Variants in PTPN3 observed in about 807,000 individuals in gnomAD.
PTPN3 encodes tyrosine-protein phosphatase non-receptor type 3.
Under a neutral mutation model 132.7 loss-of-function variants are expected in PTPN3, and 96 were observed. The ratio of observed to expected loss-of-function variants is 0.72; its 90% CI spans 0.61 to 0.86. The LOEUF (loss-of-function observed/expected upper bound fraction) is 0.86. Among genes scored for constraint, PTPN3 ranks in the 40% least tolerant of loss-of-function variants. The pLI is 0.00. For missense variants in PTPN3, 1,125 were observed against 1,159.6 expected (o/e 0.97, Z 0.43); for synonymous variants, 398 against 429.0 (o/e 0.93, Z 0.89).
At chr9:109,538,182 T>C in the PTPN3 span, among the ~76,000 whole-genome samples, 1 of 152,254 alleles carries the variant, frequency 6.6e-6, no homozygotes, top group African/African-American at 2.4e-5. Flanking sequence ...ATGTAAGCAC[T>C]GCAATATTTT....
the PTPN3 span, among the ~76,000 whole-genome samples, chr9:109,513,483 C>A: frequency 6.6e-6 from 1 of 152,182 alleles, no homozygotes; most frequent in Non-Finnish European, 1.5e-5. Context: ...TTGCACTTAC[C>A]TAAGTACATA....
rs1002950309 is a variant in PTPN3, at chr9:109,448,694, C to T, written c.413+117G>A. ...CCAAAGCCTAATGCTGTACAGGATG[C>T]TTTGCACATCCACTCTGTTTAGATT... On this transcript the variant is annotated intron_variant, in intron 6 of 25. Transcript: ENST00000374541. The T allele has an allele frequency of 5.9e-6, 6 of 1,014,298 alleles. No homozygotes were observed. In the African/African-American group the frequency reaches 6.5e-5, roughly 11 times the overall value. The allele number at this position is 1,014,298 out of a possible 1,614,324, so 62.8% of individuals were successfully genotyped here.
Position 109,428,672 on chromosome 9 carries a change from G to T in PTPN3, c.777C>A (p.Leu259=). Reference sequence around the variant, plus strand: ...ACTTTTTCCTTTTGAAAGAAATTTTGAGAATGTTCACCCTTCAAAAAATAA... The same window carrying T: ...ACTTTTTCCTTTTGAAAGAAATTTTTAGAATGTTCACCCTTCAAAAAATAA... The part of the protein sequence containing the change: ...CTSFYPWVNI[L]KISFKRKKFF... The change falls in exon 11 of 26, where the codon CTC becomes CTA. Residue 259 remains leucine, a synonymous_variant. Transcript: ENST00000374541. 6.2e-7 allele frequency: 1 copy of T among 1,613,370 alleles called. No individual in the cohort carries two copies. Among genetic ancestry groups the T allele is most frequent in the South Asian group, 1.1e-5 (1 of 90,992 alleles).
chr9:109,392,542 C>T lies in PTPN3; in HGVS notation c.1954-981G>A, dbSNP rs1172809975. On this transcript the variant is annotated intron_variant, in intron 19 of 25. Transcript: ENST00000374541. ...GAACAGAAGCACATATATGTAAACG[C>T]ATAATACATTTATATACTATGTTTT... 5 of 152,274 alleles carry T rather than the reference C, an allele frequency of 3.3e-5. No homozygotes were observed. In the East Asian group the frequency reaches 7.7e-4, roughly 24 times the overall value. The allele number at this position is 152,274 out of a possible 1,614,324, so 9.4% of individuals were successfully genotyped here.
chr9:109,501,816 A>G (rs1432991041), upstream of PTPN3, among the ~76,000 whole-genome samples: 1 of 152,190 alleles, frequency 6.6e-6, no homozygotes, highest in African/African-American at 2.4e-5. Context: ...TCACAACATG[A>G]TGGAACCACC....
chr9:109,422,689 GT>G, intron 13 of PTPN3, 28 bp downstream of exon 13: 1 of 1,490,676 alleles, frequency 6.7e-7, no homozygotes, highest in Admixed American at 2.0e-5. Context: ...CTGTTGGGTA[GT>G]ACAAAAAAAA....
intron 19 of PTPN3, chr9:109,397,897 A>T (rs957077338): frequency 6.6e-6 from 1 of 152,236 alleles, no homozygotes; most frequent in African/African-American, 2.4e-5. Context: ...CCAGATACAC[A>T]TTATACTGAT....
chr9:109,404,502 G>A lies in PTPN3; in HGVS notation c.1899C>T (p.Ser633=), dbSNP rs769219059. ...CGAGGCCCTTCTTTAGCTGTGCCAT[G>A]GATCCCTCCAAAGTGTCCCCACCCT... ...CPEGGDTLEG[S]MAQLKKGLES... The change falls in exon 19 of 26, where the codon TCC becomes TCT. Residue 633 remains serine (S), a synonymous_variant. Transcript: ENST00000374541. The A allele has an allele frequency of 1.4e-5, 21 of 1,554,868 alleles. No homozygotes were observed. The South Asian group carries it at 2.4e-4, about 17-fold the overall frequency.
At chr9:109,487,069 AC>A (rs1470685869) in intron 1 of PTPN3, among the ~76,000 whole-genome samples, 1 of 152,116 alleles carries the variant, frequency 6.6e-6, no homozygotes, top group Admixed American at 6.5e-5. Context: ...GGACTAATAT[AC>A]CCAGAGATGA....
chr9:109,417,567 C>A, intron 14 of PTPN3: 1 of 970,632 alleles, frequency 1.0e-6, no homozygotes, highest in Non-Finnish European at 1.2e-6. Context: ...TCACCAGGTA[C>A]AGACCAGTCT....
chr9:109,386,729 T>C (rs1477239717), intron 22 of PTPN3, among the ~76,000 whole-genome samples: 1 of 152,108 alleles, frequency 6.6e-6, no homozygotes, highest in Non-Finnish European at 1.5e-5. Flanking sequence ...GCACAGAAGG[T>C]ACCAGTCTCA....
At chr9:109,470,216 A>G (rs1846308786) in intron 1 of PTPN3, among the ~76,000 whole-genome samples, 1 of 152,174 alleles carries the variant, frequency 6.6e-6, no homozygotes, top group Non-Finnish European at 1.5e-5. Context: ...CACATGCTTC[A>G]TTCATTTAGC....
chr9:109,527,181 C>T, the PTPN3 span, among the ~76,000 whole-genome samples: 3 of 152,198 alleles, frequency 2.0e-5, no homozygotes, highest in Non-Finnish European at 4.4e-5. Flanking sequence ...TAACTTCTGG[C>T]TGGGTGTGGT....
chr9:109,409,309 G>A (rs1841881534), intron 16 of PTPN3, among the ~76,000 whole-genome samples: 2 of 152,120 alleles, frequency 1.3e-5, no homozygotes, highest in South Asian at 4.1e-4. Context: ...CAATGCTGAG[G>A]GGTTCTCTTA....
chr9:109,437,644 G>A (rs1042772987), intron 8 of PTPN3, among the ~76,000 whole-genome samples: 2 of 152,224 alleles, frequency 1.3e-5, no homozygotes, highest in Non-Finnish European at 2.9e-5. Flanking sequence ...AGGGGCAACT[G>A]CAGAAGACTC....
At chr9:109,521,397 T>C in the PTPN3 span, among the ~76,000 whole-genome samples, 2 of 152,052 alleles carry the variant, frequency 1.3e-5, no homozygotes, top group Non-Finnish European at 2.9e-5. Context: ...CGAACTTAGG[T>C]GATCCGCCCG....
intron 20 of PTPN3, 54 bp from the exon 21 acceptor site, chr9:109,391,253 C>A: frequency 6.5e-7 from 1 of 1,531,190 alleles, no homozygotes; most frequent in East Asian, 2.3e-5. Context: ...TTTATCATAC[C>A]AAGTAAACCA....
In PTPN3 at chr9:109,410,403, C is replaced by T. The variant is rs1470531661; in HGVS notation, c.1326G>A (p.Glu442=). 6.2e-7 allele frequency: 1 copy of T among 1,613,820 alleles called. No homozygotes were observed. The highest frequency in any genetic ancestry group is 8.5e-7 in the Non-Finnish European group (1 of 1,179,938). ...TCAGGTAGCTTTGTGCCGGATTGTT[C>T]TCGGATAAACTCCTTCATCATGGGG... The part of the protein sequence containing the change: ...NRSPHQESLS[E]NNPAQSYLTQ... Residue 442 remains glutamate, a synonymous_variant, in exon 15 of 26, where the codon GAG becomes GAA. Transcript: ENST00000374541.
intron 25 of PTPN3, 103 bp from the exon 26 acceptor site, chr9:109,379,736 A>G (rs1838869145): frequency 2.0e-6 from 2 of 990,150 alleles, no homozygotes; most frequent in African/African-American, 3.2e-5. Context: ...ATATTCCCTG[A>G]GCGCCAACTC....
Sources: allele counts gnomAD v4.1 joint callset (sites outside exome capture counted in the v4.1 genomes callset), GRCh38; gene constraint gnomAD v4.1.1; transcripts MANE v1.5; gene names NCBI Gene and HGNC (gene_info 2026-07-23, HGNC 2026-07-21).